The following DNAL1 variants were observed in gnomAD, a reference collection of about 807,000 sequenced individuals.
DNAL1 encodes dynein axonemal light chain 1, also known as chromosome 14 open reading frame 168.
Under a neutral mutation model 29.4 loss-of-function variants are expected in DNAL1, and 17 were observed. That is an observed-to-expected ratio of 0.58 (90% CI 0.40 to 0.87). DNAL1 has a LOEUF of 0.87. Ranked by LOEUF, DNAL1 falls within the 40% of genes least tolerant of loss-of-function variation. DNAL1 has a pLI of 0.00. For missense variants in DNAL1, 188 were observed against 214.1 expected, an observed-to-expected ratio of 0.88 and a Z score of 0.76; for synonymous variants, 78 against 76.3, an observed-to-expected ratio of 1.02 and a Z score of -0.12.
At chr14:73,687,040 A>G (rs1445882371) in intron 5 of DNAL1, among the ~76,000 whole-genome samples, 2 of 149,012 alleles carry the variant, frequency 1.3e-5, no homozygotes, top group African/African-American at 4.9e-5. Flanking sequence ...GAGCAGTCAG[A>G]GAAGGAAGAG....
At chr14:73,669,892 T>A (rs980997657) in intron 4 of DNAL1, among the ~76,000 whole-genome samples, 1 of 152,198 alleles carries the variant, frequency 6.6e-6, no homozygotes, top group African/African-American at 2.4e-5. Context: ...ACTCTTAAAA[T>A]ACCTTGCTCT....
chr14:73,682,803 G>A (rs142784632), intron 5 of DNAL1, among the ~76,000 whole-genome samples: 13 of 150,490 alleles, frequency 8.6e-5, no homozygotes, highest in Non-Finnish European at 1.5e-4. Context: ...CCACCATTTC[G>A]TATGACAACA....
At chr14:73,645,236 T>A (rs953181974) in intron 1 of DNAL1, among the ~76,000 whole-genome samples, 194 bp downstream of exon 1, 1 of 151,834 alleles carries the variant, frequency 6.6e-6, no homozygotes, top group Non-Finnish European at 1.5e-5. Flanking sequence ...GAGGGCGGCC[T>A]GGGGTGGATC....
rs10679978 is a variant in DNAL1, at chr14:73,702,078, G to GGTGTGTGTGT, written c.*6154_*6163dup. 5 of 147,652 alleles carry GGTGTGTGTGT rather than the reference G, an allele frequency of 3.4e-5. No homozygotes were observed. The highest frequency in any genetic ancestry group is 3.9e-4 in the East Asian group (2 of 5,070). 9.1% of individuals were successfully genotyped at this position (147,652 alleles called of 1,614,324 possible). A position where few individuals can be genotyped will look rare whatever the true frequency, so the allele number is the denominator to read the frequency against. ...ATAACATGTACCATGCAGTTTGTGTGGTGTGTGTGTGTGTGTGTGTGTGTG... is the reference window on the plus strand; with the variant it reads ...ATAACATGTACCATGCAGTTTGTGTGGTGTGTGTGTGTGTGTGTGTGTGTGTGTGTGTGTG... On this transcript the variant is annotated 3_prime_UTR_variant, in exon 8 of 8. Transcript: ENST00000553645.
intron 7 of DNAL1, among the ~76,000 whole-genome samples, chr14:73,690,928 T>A (rs1566892039): frequency 6.6e-6 from 1 of 152,190 alleles, no homozygotes; most frequent in African/African-American, 2.4e-5. Context: ...AATTGTGGTA[T>A]TCTCTCTGTT....
intron 5 of DNAL1, among the ~76,000 whole-genome samples, chr14:73,675,123 T>G (rs1891700599): frequency 6.6e-6 from 1 of 151,776 alleles, no homozygotes; most frequent in Non-Finnish European, 1.5e-5. Flanking sequence ...GCTGAGTAAC[T>G]CCTACCAGTT....
rs780217508 is a variant in DNAL1 at position 73,658,811 on chromosome 14, C to T, written c.43-36C>T. The T allele has an allele frequency of 2.6e-6, 4 of 1,518,902 alleles. No homozygotes were observed. In the Admixed American group the frequency reaches 7.2e-5, roughly 28 times the overall value. The allele number at this position is 1,518,902 out of a possible 1,614,324, so 94.1% of individuals were successfully genotyped here. The stretch of plus-strand genomic sequence containing the variant: ...GCCTCTTTTGTTTCCACATTGCAAT[C>T]ATGGGTTATTTCTTCCAAATGTATT... On this transcript the variant is annotated intron_variant, in intron 2 of 7. Transcript: ENST00000553645.
chr14:73,652,902 C>T (rs1297955890), intron 1 of DNAL1, among the ~76,000 whole-genome samples: 1 of 151,922 alleles, frequency 6.6e-6, no homozygotes, highest in Non-Finnish European at 1.5e-5. Flanking sequence ...CCAAGGGTTG[C>T]TTATTAGTAT....
chr14:73,673,272 A>T (rs1189226626), intron 5 of DNAL1, among the ~76,000 whole-genome samples: 1 of 152,196 alleles, frequency 6.6e-6, no homozygotes, highest in Admixed American at 6.5e-5. Context: ...TTGCAGATAA[A>T]TGTACTCCAG....
rs973823178 is a variant in DNAL1, at chr14:73,654,736, G to A, written c.4-111G>A. ...ATCATGCCATTGCACTCCAGCCTGG[G>A]TGACAGAGCAAGATTCTGTCTCAAA... On this transcript the variant is annotated intron_variant, in intron 1 of 7. Coordinates refer to ENST00000553645, the MANE Select transcript of DNAL1 (RefSeq NM_031427.4). The A allele has an allele frequency of 5.9e-6, 6 of 1,023,942 alleles. No homozygotes were observed. The East Asian group carries it at 1.8e-4, about 31-fold the overall frequency. The allele number at this position is 1,023,942 out of a possible 1,614,324, so 63.4% of individuals were successfully genotyped here.
intron 5 of DNAL1, among the ~76,000 whole-genome samples, chr14:73,684,091 C>G (rs1263548712): frequency 1.3e-5 from 2 of 152,164 alleles, no homozygotes. Context: ...ATAATGTTCT[C>G]CAGGTTCATT....
Position 73,696,030 on chromosome 14 carries a change from G to A in DNAL1, c.*88G>A, listed in dbSNP as rs1262702160. The A allele has an allele frequency of 3.2e-6, 4 of 1,245,930 alleles. 1 individual carries two copies. The highest frequency in any genetic ancestry group is 2.9e-5 in the South Asian group (2 of 68,270). 77.2% of individuals were successfully genotyped at this position (1,245,930 alleles called of 1,614,324 possible). Reference sequence around the variant, plus strand: ...TATAATTGTCTATTTTAAAGATTCTGTATGGGACAAAAGTTTCTTAAGATA... The same window carrying A: ...TATAATTGTCTATTTTAAAGATTCTATATGGGACAAAAGTTTCTTAAGATA... On this transcript the variant is annotated 3_prime_UTR_variant, in exon 8 of 8. Transcript: ENST00000553645.
At chr14:73,687,965 T>G (rs548828183) in intron 6 of DNAL1, among the ~76,000 whole-genome samples, 10 of 152,074 alleles carry the variant, frequency 6.6e-5, no homozygotes, top group African/African-American at 2.4e-4. Flanking sequence ...TGTACACATA[T>G]GCCCTAAAAC....
chr14:73,681,083 T>C (rs1186094193), intron 5 of DNAL1, among the ~76,000 whole-genome samples: 2 of 147,164 alleles, frequency 1.4e-5, no homozygotes, highest in Admixed American at 6.8e-5. Context: ...CGTACACAAC[T>C]GTAGATTTTT....
intron 7 of DNAL1, 96 bp from the exon 8 acceptor site, chr14:73,695,806 G>A (rs1892287853): frequency 9.9e-7 from 1 of 1,013,986 alleles, no homozygotes; most frequent in Non-Finnish European, 1.5e-6. Flanking sequence ...TGGGATTACA[G>A]GCGTGAGCCA....
chr14:73,657,531 T>G (rs1891246445), intron 2 of DNAL1, among the ~76,000 whole-genome samples: 1 of 152,180 alleles, frequency 6.6e-6, no homozygotes, highest in Non-Finnish European at 1.5e-5. Flanking sequence ...AGTTTGCAAA[T>G]ATTTTCCCCC....
chr14:73,652,158 C>A (rs1174757045), intron 1 of DNAL1, among the ~76,000 whole-genome samples: 2 of 152,168 alleles, frequency 1.3e-5, no homozygotes, highest in African/African-American at 4.8e-5. Flanking sequence ...GCCTCAGCCC[C>A]TGCCCAGTTC....
chr14:73,681,623 A>AT (rs1465243103), intron 5 of DNAL1, among the ~76,000 whole-genome samples: 525 of 42,880 alleles, frequency 0.012, no homozygotes, highest in Non-Finnish European at 0.018. Context: ...AAAAAAAAAA[A>AT]AAAAAAAAAA....
At chr14:73,645,377 A>C (rs1890955557) in intron 1 of DNAL1, among the ~76,000 whole-genome samples, 1 of 152,078 alleles carries the variant, frequency 6.6e-6, no homozygotes, top group African/African-American at 2.4e-5. Flanking sequence ...ATATCTCTTT[A>C]CATAGAAGTA....
Sources: gnomAD v4.1 joint callset for allele counts (sites outside exome capture counted in the v4.1 genomes callset) on GRCh38, gnomAD v4.1.1 for gene constraint, MANE v1.5 for transcripts, NCBI Gene and HGNC (gene_info 2026-07-23, HGNC 2026-07-21) for gene names.